The following LRP1B variants were observed in gnomAD, a reference collection of about 807,000 sequenced individuals.
The protein encoded by LRP1B is LDL receptor related protein 1B.
A neutral mutation model predicts 556.6 loss-of-function variants in LRP1B; 217 were observed. The observed-to-expected ratio is 0.39, with a 90% CI of 0.35 to 0.44. The LOEUF is 0.44. Among genes scored for constraint, LRP1B ranks in the 20% least tolerant of loss-of-function variants. The pLI is 1.00. For synonymous variants in LRP1B, 2,047 were observed against 1,865.8 expected (o/e 1.10, Z -2.50); for missense variants, 5,053 against 5,620.8 (o/e 0.90, Z 3.23).
chr2:141,752,026 T>C (rs1694133804), intron 2 of LRP1B, among the ~76,000 whole-genome samples: 1 of 151,972 alleles, frequency 6.6e-6, no homozygotes. Context: ...TAGAAAAATC[T>C]AAATTACAGA....
chr2:141,594,211 T>C (rs1411990933), intron 2 of LRP1B, among the ~76,000 whole-genome samples: 4 of 152,084 alleles, frequency 2.6e-5, no homozygotes, highest in Non-Finnish European at 5.9e-5. Context: ...CTGAGAGCTT[T>C]CCTTTTGCTT....
chr2:140,691,235 G>A (rs987419672), intron 41 of LRP1B, among the ~76,000 whole-genome samples: 4 of 152,110 alleles, frequency 2.6e-5, no homozygotes, highest in African/African-American at 9.7e-5. Context: ...ACTTTGGGAG[G>A]CCAAGGCGAG....
Position 140,541,894 on chromosome 2 carries a change from T to C in LRP1B, c.7272A>G (p.Gly2424=). The C allele has an allele frequency of 6.2e-7, 1 of 1,612,782 alleles. No homozygotes were observed. The highest frequency in any genetic ancestry group is 1.1e-5 in the South Asian group (1 of 91,012). ...YDNYIFWSDW[G]RRAILRSNKY... ...TGTTGGACCGCAGTATAGCTCTTCT[T>C]CCCCAGTCCGACCAGAATATATAAT... The change falls in exon 44 of 91, where the codon GGA becomes GGG. Residue 2424 remains glycine, a synonymous_variant. Transcript: ENST00000389484.
At chr2:141,390,808 C>T (rs1433441088) in intron 3 of LRP1B, among the ~76,000 whole-genome samples, 4 of 152,140 alleles carry the variant, frequency 2.6e-5, no homozygotes, top group African/African-American at 4.8e-5. Context: ...GTGCGCAATG[C>T]GCTCAAATGT....
intron 1 of LRP1B, among the ~76,000 whole-genome samples, chr2:141,951,240 T>C (rs1327590275): frequency 6.6e-6 from 1 of 152,160 alleles, no homozygotes; most frequent in African/African-American, 2.4e-5. Flanking sequence ...TTTGGTTACA[T>C]AGTTAAGTTC....
intron 2 of LRP1B, among the ~76,000 whole-genome samples, chr2:141,735,660 G>A (rs1693437530): frequency 3.9e-5 from 6 of 152,050 alleles, no homozygotes; most frequent in Admixed American, 3.9e-4. Context: ...CATATAGCAA[G>A]GTATTCAGTG....
intron 31 of LRP1B, among the ~76,000 whole-genome samples, chr2:140,827,619 T>G (rs1398942876): frequency 6.6e-6 from 1 of 151,920 alleles, no homozygotes; most frequent in African/African-American, 2.4e-5. Context: ...CTGCAAGATA[T>G]AGGGAATAAC....
rs1334256152 is a variant in LRP1B, at chr2:141,049,165, C to A, written c.1610G>T (p.Gly537Val). ...AGCTATCTTGGTATTCAAGTCCATTCCTCTAACAATTCCTGGGCGTCCTTT... is the reference window on the plus strand; with the variant it reads ...AGCTATCTTGGTATTCAAGTCCATTACTCTAACAATTCCTGGGCGTCCTTT... Reference protein sequence around the residue: ...YGKGRPGIVRGMDLNTKIADE... With the variant: ...YGKGRPGIVRVMDLNTKIADE... The change falls in exon 11 of 91, where the codon GGA (glycine) becomes GTA (valine). Residue 537 changes from glycine (G) to valine (V), a missense_variant. Gly to Val is a moderately radical substitution (Grantham distance 109). This residue lies in a region of LRP1B where 3,619 missense variants were observed against 3,931.9 expected (regional missense o/e 0.92). Coordinates refer to ENST00000389484, the MANE Select transcript of LRP1B (RefSeq NM_018557.3). 3 of 1,613,556 alleles carry A rather than the reference C, an allele frequency of 1.9e-6. No individual in the cohort carries two copies. The South Asian group carries it at 3.3e-5, about 18-fold the overall frequency.
At chr2:141,860,249 C>T (rs115279481) in intron 1 of LRP1B, among the ~76,000 whole-genome samples, 1,524 of 152,160 alleles carry the variant, frequency 0.01, 10 homozygotes, top group Non-Finnish European at 0.018. Context: ...AATTGTGCAC[C>T]AAATGTTAGC....
chr2:140,800,950 A>G (rs531168018), intron 32 of LRP1B, among the ~76,000 whole-genome samples: 5 of 152,298 alleles, frequency 3.3e-5, no homozygotes, highest in African/African-American at 1.2e-4. Context: ...CTTAAATTCT[A>G]CAATATATTT....
chr2:141,620,292 TGAA>T (rs1166194342), intron 2 of LRP1B, among the ~76,000 whole-genome samples: 35 of 152,366 alleles, frequency 2.3e-4, no homozygotes, highest in African/African-American at 7.5e-4. Context: ...AAAAGGGTTG[TGAA>T]GAAGATTAGC....
In LRP1B at chr2:140,753,721, G is replaced by T. The variant is rs368153749; in HGVS notation, c.5758+15492C>A. Among the ~76,000 whole-genome samples, 93 of 152,212 alleles carry T rather than the reference G, an allele frequency of 6.1e-4. 1 individual carries two copies. Among genetic ancestry groups the T allele is most frequent in the Non-Finnish European group, 1.2e-3 (84 of 68,010 alleles). On this transcript the variant is annotated intron_variant, in intron 35 of 90. Transcript: ENST00000389484. ...TCCACCACCTCAGTTCAGCTTGATG[G>T]AAGTTTTACTATGGACAGGAGTGGC... is the stretch of plus-strand genomic sequence containing the variant.
At chr2:140,654,818 T>C (rs1276264550) in intron 41 of LRP1B, among the ~76,000 whole-genome samples, 2 of 152,178 alleles carry the variant, frequency 1.3e-5, no homozygotes, top group Non-Finnish European at 2.9e-5. Flanking sequence ...TCTCTTACTA[T>C]CCTAAAGAAA....
chr2:141,316,781 G>A (rs558696408), intron 3 of LRP1B, among the ~76,000 whole-genome samples: 17 of 152,310 alleles, frequency 1.1e-4, no homozygotes, highest in South Asian at 8.3e-4. Flanking sequence ...CCCGCCATGG[G>A]GGGTGAGGTG....
At chr2:140,366,089 C>G (rs1682746461) in intron 71 of LRP1B, among the ~76,000 whole-genome samples, 1 of 151,660 alleles carries the variant, frequency 6.6e-6, no homozygotes, top group Non-Finnish European at 1.5e-5. Context: ...AAAGAAAACT[C>G]TAGCTCTGGT....
chr2:141,805,895 T>C (rs1170754628), intron 2 of LRP1B: 1 of 152,074 alleles, frequency 6.6e-6, no homozygotes, highest in African/African-American at 2.4e-5. Context: ...CTTGCAAATA[T>C]TGCTTAGGAC....
intron 1 of LRP1B, among the ~76,000 whole-genome samples, chr2:141,943,845 A>G (rs1338891312): frequency 6.6e-6 from 1 of 152,166 alleles, no homozygotes; most frequent in African/African-American, 2.4e-5. Flanking sequence ...CGACCAGGAA[A>G]GATTAGGCTC....
intron 66 of LRP1B, among the ~76,000 whole-genome samples, chr2:140,435,669 G>A (rs1165420783): frequency 1.6e-4 from 24 of 146,390 alleles, no homozygotes; most frequent in Non-Finnish European, 1.5e-4. Context: ...TGTTAAGACA[G>A]AAAAAAAAAA....
In LRP1B at chr2:140,866,190, G is replaced by T. The variant is rs937969147; in HGVS notation, c.4579+1400C>A. ...AAAATACAGTTGTGTAAATAATTTT[G>T]CACTTGAAATAATCAAAACCATTCA... On this transcript the variant is annotated intron_variant, in intron 27 of 90. Coordinates refer to ENST00000389484, the MANE Select transcript of LRP1B (RefSeq NM_018557.3). 2.0e-5 allele frequency among the ~76,000 whole-genome samples: 3 copies of T among 152,044 alleles called. 1 individual carries two copies. Among genetic ancestry groups the T allele is most frequent in the East Asian group, 1.9e-4 (1 of 5,190 alleles).
Sources: allele counts gnomAD v4.1 joint callset (sites outside exome capture counted in the v4.1 genomes callset), GRCh38; gene constraint gnomAD v4.1.1; regional missense constraint gnomAD v4.1.1; transcripts MANE v1.5; gene names NCBI Gene and HGNC (gene_info 2026-07-23, HGNC 2026-07-21).